NYAP2: variants seen among roughly 807,000 people sequenced by gnomAD.
NYAP2 encodes the protein neuronal tyrosine-phosphorylated phosphoinositide-3-kinase adapter 2.
A neutral mutation model predicts 50.4 loss-of-function variants in NYAP2; 23 were observed. The ratio of observed to expected loss-of-function variants is 0.46; its 90% CI spans 0.33 to 0.65. The LOEUF is 0.65. NYAP2 is among the 30% of genes least tolerant of loss of function. The pLI, the probability that NYAP2 is intolerant of heterozygous loss-of-function variation, is 0.02. For missense variants in NYAP2, 885 were observed against 861.0 expected, an observed-to-expected ratio of 1.03 and a Z score of -0.35; for synonymous variants, 394 against 365.2, an observed-to-expected ratio of 1.08 and a Z score of -0.90.
At chr2:225,463,091 C>T (rs546183452) in intron 3 of NYAP2, among the ~76,000 whole-genome samples, 10 of 152,332 alleles carry the variant, frequency 6.6e-5, no homozygotes, top group African/African-American at 2.4e-4. Flanking sequence ...GCTGCCTCTT[C>T]CCTCTAGTGG....
At chr2:225,400,978 G>A (rs1298235960) in exon 2 of NYAP2, 2 of 133,174 alleles carry the variant, frequency 1.5e-5, no homozygotes, top group Non-Finnish European at 3.2e-5. Context: ...CGTGAGAGAG[G>A]GCTCTGACAG....
chr2:225,622,576 T>A (rs1574714985), intron 5 of NYAP2, among the ~76,000 whole-genome samples: 1 of 113,728 alleles, frequency 8.8e-6, no homozygotes, highest in African/African-American at 3.0e-5. Flanking sequence ...TCTTTCTTTC[T>A]TTCTTCTTTC....
intron 3 of NYAP2, among the ~76,000 whole-genome samples, chr2:225,497,612 A>G (rs936574433): frequency 6.6e-6 from 1 of 152,240 alleles, no homozygotes; most frequent in Admixed American, 6.5e-5. Context: ...TTATATGTGC[A>G]TTTAATCCCA....
At chr2:225,570,860 G>C (rs189028899) in intron 4 of NYAP2, among the ~76,000 whole-genome samples, 516 of 152,262 alleles carry the variant, frequency 3.4e-3, no homozygotes, top group African/African-American at 0.012. Context: ...TCTTATCTGA[G>C]ACAAGGCAAG....
chr2:225,605,534 G>A (rs1692770436), intron 5 of NYAP2, among the ~76,000 whole-genome samples: 2 of 152,078 alleles, frequency 1.3e-5, no homozygotes, highest in African/African-American at 4.8e-5. Flanking sequence ...AAGTAGCTAA[G>A]TAAAAAATCA....
chr2:225,475,358 C>G (rs973501890), intron 3 of NYAP2, among the ~76,000 whole-genome samples: 10 of 152,266 alleles, frequency 6.6e-5, no homozygotes, highest in Non-Finnish European at 1.3e-4. Flanking sequence ...TCTCTTTGTT[C>G]TACCCTCCCC....
chr2:225,418,326 C>G (rs570054513), intron 3 of NYAP2, among the ~76,000 whole-genome samples: 22 of 152,138 alleles, frequency 1.4e-4, no homozygotes, highest in Non-Finnish European at 2.9e-5. Flanking sequence ...CTTGTGAGGA[C>G]ATGGAGGTTA....
chr2:225,600,556 T>A (rs1232356098), intron 5 of NYAP2, among the ~76,000 whole-genome samples: 1 of 152,182 alleles, frequency 6.6e-6, no homozygotes, highest in Non-Finnish European at 1.5e-5. Flanking sequence ...CACTCAGGAA[T>A]GAATAAGGAC....
At position 225,527,839 on chromosome 2, in the gene NYAP2, G is replaced by A. The variant is rs1691180980; in HGVS notation, c.523+14167G>A. 2.0e-5 allele frequency among the ~76,000 whole-genome samples: 3 copies of A among 152,070 alleles called. 1 individual carries two copies. The highest frequency in any genetic ancestry group is 4.4e-5 in the Non-Finnish European group (3 of 68,022). ...ATTTTTCTATTTTTTGTAGAGACAA[G>A]GTCTTGTTATGTTGCCTGGGCTCAT... On this transcript the variant is annotated intron_variant, in intron 4 of 6. Coordinates refer to ENST00000636099, the Ensembl canonical transcript of NYAP2.
chr2:225,401,366 T>G (rs1304337506), intron 2 of NYAP2, among the ~76,000 whole-genome samples: 1 of 152,094 alleles, frequency 6.6e-6, no homozygotes, highest in African/African-American at 2.4e-5. Context: ...GGCATTCAAG[T>G]TGTGCATGCT....
At chr2:225,445,519 CTCTT>C (rs1393224747) in intron 3 of NYAP2, among the ~76,000 whole-genome samples, 4 of 151,996 alleles carry the variant, frequency 2.6e-5, no homozygotes, top group Non-Finnish European at 2.9e-5. Context: ...AAGTGCTTCT[CTCTT>C]AATTGACCAC....
chr2:225,507,564 A>G (rs1338932198), intron 3 of NYAP2, among the ~76,000 whole-genome samples: 5 of 152,216 alleles, frequency 3.3e-5, no homozygotes, highest in Admixed American at 2.6e-4. Context: ...TGAGGGCTAC[A>G]GTTGCCTAGA....
chr2:225,477,366 A>G (rs1690132478), intron 3 of NYAP2, among the ~76,000 whole-genome samples: 1 of 149,308 alleles, frequency 6.7e-6, no homozygotes, highest in African/African-American at 2.5e-5. Flanking sequence ...CCTCCCGAGT[A>G]GCTGGGACTA....
chr2:225,530,682 T>C (rs555158708), intron 4 of NYAP2, among the ~76,000 whole-genome samples: 1 of 152,330 alleles, frequency 6.6e-6, no homozygotes, highest in African/African-American at 2.4e-5. Context: ...GAATTCCACA[T>C]TATCTCCAGA....
intron 5 of NYAP2, among the ~76,000 whole-genome samples, chr2:225,590,406 C>A (rs761873925): frequency 6.6e-6 from 1 of 152,176 alleles, no homozygotes; most frequent in Admixed American, 6.5e-5. Flanking sequence ...GTGAGTGGTC[C>A]AAATGCCTGC....
At chr2:225,670,260 G>A in the NYAP2 span, among the ~76,000 whole-genome samples, 1 of 152,108 alleles carries the variant, frequency 6.6e-6, no homozygotes, top group Non-Finnish European at 1.5e-5. Flanking sequence ...TTTAACTAGA[G>A]GAAATGGGTG....
chr2:225,585,578 A>G (rs957863604), intron 5 of NYAP2, among the ~76,000 whole-genome samples: 3 of 152,208 alleles, frequency 2.0e-5, no homozygotes, highest in Admixed American at 6.5e-5. Flanking sequence ...ATTATTTCAC[A>G]TGTGCTATTA....
chr2:225,454,866 G>A (rs1689713573), intron 3 of NYAP2, among the ~76,000 whole-genome samples: 1 of 152,080 alleles, frequency 6.6e-6, no homozygotes. Context: ...TAAATAGCAA[G>A]GGGCGATTAA....
At chr2:225,630,206 G>A (rs1228381036) in intron 6 of NYAP2, among the ~76,000 whole-genome samples, 1 of 152,138 alleles carries the variant, frequency 6.6e-6, no homozygotes, top group African/African-American at 2.4e-5. Flanking sequence ...AAGTCCTGAA[G>A]GGCCTTGTTA....
Sources: allele counts gnomAD v4.1 joint callset (sites outside exome capture counted in the v4.1 genomes callset), GRCh38; gene constraint gnomAD v4.1.1; transcripts MANE v1.5; gene names NCBI Gene and HGNC (gene_info 2026-07-23, HGNC 2026-07-21).